Variants in VAV2 observed in about 807,000 individuals in gnomAD.
VAV2 encodes the protein vav guanine nucleotide exchange factor 2.
A neutral mutation model predicts 132.5 loss-of-function variants in VAV2; 67 were observed. The observed-to-expected ratio is 0.51, with a 90% CI of 0.42 to 0.62. VAV2 has a LOEUF of 0.62. Among genes scored for constraint, VAV2 ranks in the 20% least tolerant of loss-of-function variants. VAV2 has a pLI of 0.00. For synonymous variants in VAV2, 492 were observed against 443.5 expected, an observed-to-expected ratio of 1.11 and a Z score of -1.37; for missense variants, 938 against 1,153.6, an observed-to-expected ratio of 0.81 and a Z score of 2.71.
chr9:133,962,465 G>A (rs980458062), intron 1 of VAV2, among the ~76,000 whole-genome samples: 4 of 152,042 alleles, frequency 2.6e-5, no homozygotes, highest in Non-Finnish European at 4.4e-5. Flanking sequence ...GGGAGGAGCT[G>A]GGTCCTCCCT....
intron 2 of VAV2, among the ~76,000 whole-genome samples, chr9:133,893,043 G>A (rs2131982885): frequency 6.6e-6 from 1 of 152,354 alleles, no homozygotes; most frequent in Admixed American, 6.5e-5. Flanking sequence ...CTGGCCCTTA[G>A]ACACGCAGTA....
rs1258572633 is a variant in VAV2, at chr9:133,884,779, T to C, written c.322-23347A>G. Among the ~76,000 whole-genome samples the C allele has an allele frequency of 3.9e-5, 6 of 152,298 alleles. No individual in the cohort carries two copies. The highest frequency in any genetic ancestry group is 8.8e-5 in the Non-Finnish European group (6 of 68,034). On this transcript the variant is annotated intron_variant, in intron 2 of 29. Coordinates refer to ENST00000371850, the MANE Select transcript of VAV2 (RefSeq NM_001134398.2). This position sits in a 1 kb window ranked among gnomAD's most constrained non-coding sequence, Gnocchi z 5.3. Reference sequence around the variant, plus strand: ...GATAAGCTTGACGGCTCCGTGAGAATGCTGGTAGGGAGCAGAACCAAACAC... The same window carrying C: ...GATAAGCTTGACGGCTCCGTGAGAACGCTGGTAGGGAGCAGAACCAAACAC...
chr9:133,811,270 C>T (rs1835348981), intron 5 of VAV2, among the ~76,000 whole-genome samples: 1 of 152,266 alleles, frequency 6.6e-6, no homozygotes, highest in Non-Finnish European at 1.5e-5. Context: ...TCTCTCCCAG[C>T]AGGATGCCAG....
intron 3 of VAV2, among the ~76,000 whole-genome samples, chr9:133,847,265 A>G (rs1836969535): frequency 6.6e-6 from 1 of 152,172 alleles, no homozygotes. Context: ...GTGCTCAGGG[A>G]AGGGAGGATC....
intron 17 of VAV2, 117 bp from the exon 18 acceptor site, chr9:133,784,535 C>T: frequency 9.0e-7 from 1 of 1,108,056 alleles, no homozygotes; most frequent in Non-Finnish European, 1.4e-6. Context: ...TCCGAGAGGG[C>T]CTGGACTCCA....
At chr9:133,894,229 C>A (rs1047829386) in intron 2 of VAV2, among the ~76,000 whole-genome samples, 4 of 152,250 alleles carry the variant, frequency 2.6e-5, no homozygotes, top group Non-Finnish European at 5.9e-5. Context: ...GGGTTCCACC[C>A]TTTCCCAAGG....
intron 4 of VAV2, among the ~76,000 whole-genome samples, chr9:133,830,447 TAGTG>T (rs1226096652): frequency 3.3e-5 from 5 of 152,304 alleles, no homozygotes; most frequent in South Asian, 2.1e-4. Context: ...ATTCTCATGA[TAGTG>T]AGTGAGTTCT....
Position 133,796,524 on chromosome 9 carries a change from C to G in VAV2, c.937G>C (p.Glu313Gln). 6.2e-7 allele frequency: 1 copy of G among 1,612,954 alleles called. No individual in the cohort carries two copies. ...SREDFRQKVEECTLKVQDGKF... is the reference protein window; with the variant it reads ...SREDFRQKVEQCTLKVQDGKF... Reference sequence around the variant, plus strand: ...CCATCCTGGACCTTCAGTGTGCACTCCTGGGAGGGCGACAGGGCGATGGGA... The same window carrying G: ...CCATCCTGGACCTTCAGTGTGCACTGCTGGGAGGGCGACAGGGCGATGGGA... The change falls in exon 11 of 30, where the codon GAG becomes CAG. Residue 313 changes from glutamate to glutamine, a missense_variant and splice_region_variant. Coordinates refer to ENST00000371850, the MANE Select transcript of VAV2 (RefSeq NM_001134398.2).
At position 133,834,138 on chromosome 9, in the gene VAV2, G is replaced by GC. The variant is rs1175273906; in HGVS notation, c.449+133dup. 1.6e-5 allele frequency: 16 copies of GC among 969,744 alleles called. No homozygotes were observed. The highest frequency in any genetic ancestry group is 2.3e-5 in the Non-Finnish European group (15 of 649,628). The allele number at this position is 969,744 out of a possible 1,614,324, so 60.1% of individuals were successfully genotyped here. A position where few individuals can be genotyped will look rare whatever the true frequency, so the allele number is the denominator to read the frequency against. The stretch of plus-strand genomic sequence containing the variant: ...ACACCATGACCCATCATGAGGAGAT[G>GC]CCCCGGTGGGAAGGGCCAGGGCCAG... On this transcript the variant is annotated intron_variant, in intron 4 of 29. Coordinates refer to ENST00000371850, the MANE Select transcript of VAV2 (RefSeq NM_001134398.2). This position sits in a 1 kb window ranked among gnomAD's most constrained non-coding sequence, Gnocchi z 5.9.
chr9:133,986,474 G>C (rs1174333549), intron 1 of VAV2, among the ~76,000 whole-genome samples: 2 of 152,218 alleles, frequency 1.3e-5, no homozygotes, highest in Non-Finnish European at 2.9e-5. Context: ...TTGTGGAGAA[G>C]TGGACGGGTC....
intron 5 of VAV2, among the ~76,000 whole-genome samples, chr9:133,810,530 G>C (rs934260240): frequency 1.3e-5 from 2 of 152,244 alleles, no homozygotes; most frequent in Non-Finnish European, 2.9e-5. Flanking sequence ...TGGAGCAGCT[G>C]TTTTATCTCA....
chr9:133,829,475 A>G (rs1836180554), intron 4 of VAV2, among the ~76,000 whole-genome samples: 1 of 152,222 alleles, frequency 6.6e-6, no homozygotes, highest in Non-Finnish European at 1.5e-5. Context: ...GGCTCACAAC[A>G]TGACAAGCTG....
chr9:133,897,825 A>G (rs1839273763), intron 2 of VAV2, among the ~76,000 whole-genome samples: 1 of 152,116 alleles, frequency 6.6e-6, no homozygotes. Flanking sequence ...CACTGGTATT[A>G]ATGGAGTGAA....
At chr9:133,882,696 G>A (rs1020639961) in intron 2 of VAV2, among the ~76,000 whole-genome samples, 1 of 152,148 alleles carries the variant, frequency 6.6e-6, no homozygotes, top group East Asian at 1.9e-4. Flanking sequence ...CACCAGGTCC[G>A]TGATACTTGG....
At chr9:133,835,268 C>G (rs934736556) in intron 3 of VAV2, among the ~76,000 whole-genome samples, 14 of 152,148 alleles carry the variant, frequency 9.2e-5, no homozygotes, top group Admixed American at 3.3e-4. Flanking sequence ...TCACTCTGCT[C>G]CATCCTCTGC....
chr9:133,934,438 G>C (rs866714855), intron 2 of VAV2, among the ~76,000 whole-genome samples: 2 of 152,332 alleles, frequency 1.3e-5, no homozygotes, highest in East Asian at 3.9e-4. Flanking sequence ...GTGGCTGTGC[G>C]GGTGTTTCCA....
At position 133,900,036 on chromosome 9, in the gene VAV2, AT is replaced by A. The variant is rs1192972269; in HGVS notation, c.322-38605del. 3.4e-3 allele frequency among the ~76,000 whole-genome samples: 506 copies of A among 149,658 alleles called. 17 individuals carry two copies. Among genetic ancestry groups the A allele is most frequent in the South Asian group, 0.01 (47 of 4,634 alleles). On this transcript the variant is annotated intron_variant, in intron 2 of 29. Coordinates refer to ENST00000371850, the MANE Select transcript of VAV2 (RefSeq NM_001134398.2). ...ACTCCATCTCAAAAAAAATAAATAAATAAATAAATAAAAATAGCTGGGCATA... is the reference window on the plus strand; with the variant it reads ...ACTCCATCTCAAAAAAAATAAATAAAAAATAAATAAAAATAGCTGGGCATA...
At position 133,883,544 on chromosome 9, in the gene VAV2, C is replaced by T. The variant is rs1292901823; in HGVS notation, c.322-22112G>A. On this transcript the variant is annotated intron_variant, in intron 2 of 29. Transcript: ENST00000371850. This position sits in a 1 kb window ranked among gnomAD's most constrained non-coding sequence, Gnocchi z 4.2. ...CAGACTCCCAAGTCATCCCCAGCCACGGCAGGCAGACAGCCCAGCAGAGAC... is the reference window on the plus strand; with the variant it reads ...CAGACTCCCAAGTCATCCCCAGCCATGGCAGGCAGACAGCCCAGCAGAGAC... Among the ~76,000 whole-genome samples the T allele has an allele frequency of 1.3e-5, 2 of 152,246 alleles. No homozygotes were observed. The highest frequency in any genetic ancestry group is 1.9e-4 in the East Asian group (1 of 5,170).
intron 21 of VAV2, among the ~76,000 whole-genome samples, chr9:133,779,301 C>T (rs1042607070): frequency 2.0e-5 from 3 of 152,334 alleles, no homozygotes; most frequent in African/African-American, 7.2e-5. Flanking sequence ...AAATGGGGGT[C>T]CTGGCTGTGC....
Sources: gnomAD v4.1 joint callset for allele counts (sites outside exome capture counted in the v4.1 genomes callset) on GRCh38, gnomAD v4.1.1 for gene constraint, Gnocchi (gnomAD v3.1) non-coding constraint, MANE v1.5 for transcripts, NCBI Gene and HGNC (gene_info 2026-07-23, HGNC 2026-07-21) for gene names.